Variants in IL21R observed in about 807,000 individuals in gnomAD.
IL21R encodes interleukin-21 receptor.
A neutral mutation model predicts 41.3 loss-of-function variants in IL21R; 14 were observed. That is an observed-to-expected ratio of 0.34 (90% CI 0.22 to 0.53). IL21R has a LOEUF of 0.53. Among genes scored for constraint, IL21R ranks in the 20% least tolerant of loss-of-function variants. IL21R has a pLI of 0.94. For missense variants in IL21R, 588 were observed against 681.6 expected (o/e 0.86, Z 1.53); for synonymous variants, 286 against 287.6 (o/e 0.99, Z 0.05).
intron 4 of IL21R, among the ~76,000 whole-genome samples, chr16:27,440,287 A>AGAGAGAGAGAGAGAGC (rs1479585420): frequency 9.7e-6 from 1 of 102,712 alleles, no homozygotes; most frequent in African/African-American, 5.0e-5. Flanking sequence ...AGAGCGAGCA[A>AGAGAGAGAGAGAGAGC]GCGCGCGCCA....
At chr16:27,404,079 A>G (rs2086702437) in intron 1 of IL21R, among the ~76,000 whole-genome samples, 1 of 152,148 alleles carries the variant, frequency 6.6e-6, no homozygotes, top group Admixed American at 6.6e-5. Flanking sequence ...AGCTTCTGGG[A>G]AGCAGCATTG....
Position 27,437,545 on chromosome 16 carries a change from G to A in IL21R, c.210G>A (p.Ser70=), listed in dbSNP as rs751906044. ...DEATSCSLHR[S]AHNATHATYT... ...CCACCTCCTGCAGCCTCCACAGGTC[G>A]GCCCACAATGCCACGCATGCCACCT... The change falls in exon 4 of 9, where the codon TCG becomes TCA. Residue 70 remains serine, a synonymous_variant. Transcript: ENST00000337929. 1.6e-5 allele frequency: 26 copies of A among 1,614,134 alleles called. No individual in the cohort carries two copies. Among genetic ancestry groups the A allele is most frequent in the South Asian group, 1.1e-4 (10 of 91,080 alleles).
chr16:27,403,537 C>G (rs537154813), intron 1 of IL21R, among the ~76,000 whole-genome samples: 99 of 152,296 alleles, frequency 6.5e-4, no homozygotes, highest in Non-Finnish European at 1.2e-3. Flanking sequence ...GCCTTCCTCA[C>G]TCGGTGAACT....
intron 1 of IL21R, among the ~76,000 whole-genome samples, chr16:27,417,661 A>ATTGC (rs34150686): frequency 0.78 from 118,777 of 151,918 alleles, 47,523 homozygotes; most frequent in East Asian, 0.99. Flanking sequence ...CTTACAGCCT[A>ATTGC]TAATTGGCTA....
rs36031126 is a variant in IL21R, at chr16:27,448,780, G to A, written c.1114G>A (p.Gly372Ser). Residue 372 changes from glycine (G) to serine (S), a missense_variant, in exon 9 of 9, where the codon GGC (glycine) becomes AGC (serine). Coordinates refer to ENST00000337929, the MANE Select transcript of IL21R (RefSeq NM_181078.3). ...AYSEERDRPY[G>S]LVSIDTVTVL... ...CAGTGAGGAGAGGGATCGGCCATAC[G>A]GCCTGGTGTCCATTGACACAGTGAC... 9.3e-6 allele frequency: 15 copies of A among 1,613,528 alleles called. No individual in the cohort carries two copies. The African/African-American group carries it at 1.2e-4, about 13-fold the overall frequency.
intron 1 of IL21R, 126 bp from the exon 2 acceptor site, chr16:27,429,930 C>G: frequency 1.4e-6 from 1 of 737,184 alleles, no homozygotes; most frequent in East Asian, 3.0e-5. Context: ...CCCTCGGGAT[C>G]TTGCATTTTT....
At chr16:27,406,040 CCTGGGCCTCT>C (rs1475515224) in intron 1 of IL21R, among the ~76,000 whole-genome samples, 5 of 152,278 alleles carry the variant, frequency 3.3e-5, no homozygotes, top group Non-Finnish European at 2.9e-5. Flanking sequence ...AGGACAAGGC[CCTGGGCCTCT>C]CTGGGCCTCC....
intron 4 of IL21R, among the ~76,000 whole-genome samples, chr16:27,441,044 C>T (rs2087378853): frequency 1.4e-5 from 1 of 69,150 alleles, no homozygotes; most frequent in African/African-American, 7.0e-5. Context: ...GAGATTCTGT[C>T]TCAAAAAAAA....
intron 1 of IL21R, among the ~76,000 whole-genome samples, chr16:27,428,299 C>G (rs2087112317): frequency 6.6e-6 from 1 of 152,234 alleles, no homozygotes; most frequent in Non-Finnish European, 1.5e-5. Context: ...CCTTCCTGGC[C>G]CCCCAGCCTG....
At chr16:27,414,165 A>AGTGTGTGTGTATGTGTGTGT (rs2086861090) in intron 1 of IL21R, among the ~76,000 whole-genome samples, 1 of 144,186 alleles carries the variant, frequency 6.9e-6, no homozygotes, top group Non-Finnish European at 1.5e-5. Context: ...AGCTATGTAT[A>AGTGTGTGTGTATGTGTGTGT]GTGTGTGTGT....
At chr16:27,403,572 C>T (rs1331036697) in intron 1 of IL21R, among the ~76,000 whole-genome samples, 1 of 152,202 alleles carries the variant, frequency 6.6e-6, no homozygotes, top group Admixed American at 6.5e-5. Flanking sequence ...TGCTTCTAGC[C>T]TTGAGAAGCC....
chr16:27,449,878 C>T lies in IL21R; in HGVS notation c.*595C>T, dbSNP rs555770972. 7.7e-5 allele frequency: 18 copies of T among 233,754 alleles called. No homozygotes were observed. Among genetic ancestry groups the T allele is most frequent in the Non-Finnish European group, 1.3e-4 (15 of 118,542 alleles). The allele number at this position is 233,754 out of a possible 1,614,324, so 14.5% of individuals were successfully genotyped here. On this transcript the variant is annotated 3_prime_UTR_variant, in exon 9 of 9. Coordinates refer to ENST00000337929, the MANE Select transcript of IL21R (RefSeq NM_181078.3). The stretch of plus-strand genomic sequence containing the variant: ...CGGGAATGGCAATTTTTTGGGCGGC[C>T]CCTGGACGAAGGTCTGAATCCCGAC...
At chr16:27,426,115 A>T (rs1382452241) in intron 1 of IL21R, among the ~76,000 whole-genome samples, 1 of 152,202 alleles carries the variant, frequency 6.6e-6, no homozygotes, top group African/African-American at 2.4e-5. Flanking sequence ...CCTATGAGGC[A>T]GGTGCTGTGA....
chr16:27,439,973 G>C (rs1651026053), intron 4 of IL21R, among the ~76,000 whole-genome samples: 2 of 152,024 alleles, frequency 1.3e-5, no homozygotes, highest in Admixed American at 1.3e-4. Context: ...CAGCCACACA[G>C]GGAAGCCGAG....
chr16:27,426,701 G>T (rs1447322806), intron 1 of IL21R, among the ~76,000 whole-genome samples: 1 of 152,238 alleles, frequency 6.6e-6, no homozygotes, highest in Non-Finnish European at 1.5e-5. Context: ...ACTGCCAGGT[G>T]CAGTGAGCAC....
chr16:27,427,726 G>A (rs1033314537), intron 1 of IL21R, among the ~76,000 whole-genome samples: 12 of 152,182 alleles, frequency 7.9e-5, no homozygotes, highest in Non-Finnish European at 1.8e-4. Flanking sequence ...GTCAGGACTC[G>A]CACCGTGGCT....
Position 27,430,089 on chromosome 16 carries a change from C to T in IL21R, c.18C>T (p.Ala6=), listed in dbSNP as rs559479535. 1.8e-5 allele frequency: 29 copies of T among 1,605,650 alleles called. No homozygotes were observed. The highest frequency in any genetic ancestry group is 6.7e-5 in the East Asian group (3 of 44,860). MPRGW[A]APLLLLLLQG... ...GAGTCAGCATGCCGCGTGGCTGGGCCGCCCCCTTGCTCCTGCTGCTGCTCC... is the reference window on the plus strand; with the variant it reads ...GAGTCAGCATGCCGCGTGGCTGGGCTGCCCCCTTGCTCCTGCTGCTGCTCC... Residue 6 remains alanine, a synonymous_variant, in exon 2 of 9, where the codon GCC becomes GCT. Transcript: ENST00000337929.
chr16:27,415,789 AT>A (rs1407753112), intron 1 of IL21R, among the ~76,000 whole-genome samples: 3 of 152,202 alleles, frequency 2.0e-5, no homozygotes, highest in Non-Finnish European at 4.4e-5. Context: ...TTAGTTAATA[AT>A]GTAAAAAAGC....
At chr16:27,415,592 G>T (rs186079549) in intron 1 of IL21R, among the ~76,000 whole-genome samples, 9 of 152,152 alleles carry the variant, frequency 5.9e-5, no homozygotes, top group Admixed American at 2.6e-4. Context: ...GCAGAAAAAC[G>T]CGCAGGAAAG....
Sources: gnomAD v4.1 joint callset for allele counts (sites outside exome capture counted in the v4.1 genomes callset) on GRCh38, gnomAD v4.1.1 for gene constraint, MANE v1.5 for transcripts, NCBI Gene and HGNC (gene_info 2026-07-23, HGNC 2026-07-21) for gene names.